The following DDX60L variants were observed in gnomAD, a reference collection of about 807,000 sequenced individuals.
DDX60L encodes DExD/H-box 60 like.
Under a neutral mutation model 211.6 loss-of-function variants are expected in DDX60L, and 191 were observed. The observed-to-expected ratio is 0.90, with a 90% CI of 0.80 to 1.02. The LOEUF (loss-of-function observed/expected upper bound fraction) is 1.02, where lower values mean the gene tolerates loss of function less well. Among genes scored for constraint, DDX60L ranks in the 50% least tolerant of loss-of-function variants. DDX60L has a pLI of 0.00. For missense variants in DDX60L, 2,007 were observed against 1,984.1 expected, an observed-to-expected ratio of 1.01 and a Z score of -0.22; for synonymous variants, 706 against 694.1, an observed-to-expected ratio of 1.02 and a Z score of -0.27.
At chr4:168,359,659 A>T (rs1006882502) in intron 37 of DDX60L, among the ~76,000 whole-genome samples, 6 of 152,216 alleles carry the variant, frequency 3.9e-5, no homozygotes, top group Non-Finnish European at 7.3e-5. Flanking sequence ...ACATAGATCT[A>T]TGTCGTACTC....
chr4:168,397,465 GATCT>G (rs1452670569), intron 26 of DDX60L, among the ~76,000 whole-genome samples: 1 of 152,188 alleles, frequency 6.6e-6, no homozygotes, highest in Non-Finnish European at 1.5e-5. Context: ...AAGGGTAATA[GATCT>G]ATCTGAGGCA....
In DDX60L at chr4:168,426,123, T is replaced by C. The variant is rs141749131; in HGVS notation, c.1930+947A>G. 5.6e-3 allele frequency among the ~76,000 whole-genome samples: 852 copies of C among 152,284 alleles called. 7 individuals are homozygous for C. The highest frequency in any genetic ancestry group is 0.019 in the African/African-American group (798 of 41,550). On this transcript the variant is annotated intron_variant, in intron 14 of 37. Transcript: ENST00000682922. ...CCGTTACCTAGGACTGCAGGTGCTA[T>C]TGGGCATCTATTCCCCCATAGCTAT...
chr4:168,467,796 G>A (rs1758210412), intron 4 of DDX60L, among the ~76,000 whole-genome samples: 1 of 152,174 alleles, frequency 6.6e-6, no homozygotes, highest in African/African-American at 2.4e-5. Flanking sequence ...TCAGAAAATA[G>A]AAGAGGAAAA....
intron 22 of DDX60L, among the ~76,000 whole-genome samples, chr4:168,407,694 A>G (rs899956269): frequency 5.3e-5 from 8 of 152,172 alleles, no homozygotes; most frequent in Admixed American, 1.3e-4. Flanking sequence ...ACTGGTTTCT[A>G]GAAGATTGGA....
At chr4:168,467,136 C>T (rs868419309) in intron 4 of DDX60L, among the ~76,000 whole-genome samples, 5 of 152,234 alleles carry the variant, frequency 3.3e-5, no homozygotes, top group African/African-American at 9.6e-5. Flanking sequence ...TGGCTAGGCA[C>T]AGTGGCTCAT....
At chr4:168,453,805 C>G (rs1447592529) in intron 7 of DDX60L, among the ~76,000 whole-genome samples, 1 of 152,146 alleles carries the variant, frequency 6.6e-6, no homozygotes, top group African/African-American at 2.4e-5. Flanking sequence ...ATCTGGGTAT[C>G]TTCATAGAGC....
At chr4:168,468,804 A>G (rs1357938091) in intron 4 of DDX60L, 1 of 152,244 alleles carries the variant, frequency 6.6e-6, no homozygotes, top group Non-Finnish European at 1.5e-5. Flanking sequence ...AACAAAAATC[A>G]ATTCTACTTC....
At chr4:168,449,826 GGTT>G (rs1755557834) in intron 8 of DDX60L, among the ~76,000 whole-genome samples, 1 of 141,220 alleles carries the variant, frequency 7.1e-6, no homozygotes, top group African/African-American at 2.7e-5. Flanking sequence ...AAAAAAAAGA[GGTT>G]ATAAAACCCA....
chr4:168,358,064 C>T lies in DDX60L; in HGVS notation c.*83G>A, dbSNP rs1315280920. ...TTGACTCCAAGACAAACATTTTTTC[C>T]ATTTCATTGTGTAAGCTTAATTATA... On this transcript the variant is annotated 3_prime_UTR_variant, in exon 38 of 38. Transcript: ENST00000682922. 8 of 1,263,818 alleles carry T rather than the reference C, an allele frequency of 6.3e-6. No individual in the cohort carries two copies. The highest frequency in any genetic ancestry group is 4.7e-5 in the Admixed American group (2 of 42,666). 78.3% of individuals were successfully genotyped at this position (1,263,818 alleles called of 1,614,324 possible). A position where few individuals can be genotyped will look rare whatever the true frequency, so the allele number is the denominator to read the frequency against.
At chr4:168,379,583 A>T in intron 31 of DDX60L, 79 bp from the exon 32 acceptor site, 1 of 1,214,576 alleles carries the variant, frequency 8.2e-7, no homozygotes, top group Non-Finnish European at 1.1e-6. Flanking sequence ...GTGACTGACA[A>T]ATATTACCTG....
chr4:168,388,785 T>C (rs1744310006), intron 29 of DDX60L, among the ~76,000 whole-genome samples: 1 of 152,032 alleles, frequency 6.6e-6, no homozygotes, highest in Non-Finnish European at 1.5e-5. Context: ...GCCACCAGTG[T>C]GGTGGTGAGC....
intron 29 of DDX60L, among the ~76,000 whole-genome samples, chr4:168,388,191 C>T (rs1431516396): frequency 6.6e-6 from 1 of 152,116 alleles, no homozygotes. Flanking sequence ...ATCACATTTC[C>T]CCAAAGCTGG....
rs1279933062 is a variant in DDX60L at position 168,426,993 on chromosome 4, C to G, written c.1930+77G>C. The G allele has an allele frequency of 8.5e-6, 12 of 1,411,932 alleles. No individual in the cohort carries two copies. The Admixed American group carries it at 2.8e-4, about 33-fold the overall frequency. The allele number at this position is 1,411,932 out of a possible 1,614,324, so 87.5% of individuals were successfully genotyped here. On this transcript the variant is annotated intron_variant, in intron 14 of 37. Transcript: ENST00000682922. Reference sequence around the variant, plus strand: ...GGATTATACAAAGTTTTAGCACAACCATGCATTCAGTAAATATGTTAACAT... The same window carrying G: ...GGATTATACAAAGTTTTAGCACAACGATGCATTCAGTAAATATGTTAACAT...
At chr4:168,466,190 AAAGAC>A (rs778728848) in intron 4 of DDX60L, among the ~76,000 whole-genome samples, 1 of 152,138 alleles carries the variant, frequency 6.6e-6, no homozygotes, top group Non-Finnish European at 1.5e-5. Context: ...AGAAACAAAT[AAAGAC>A]AAGAGTAGAA....
intron 8 of DDX60L, 52 bp from the exon 9 acceptor site, chr4:168,448,831 TA>T (rs1262587646): frequency 5.2e-6 from 8 of 1,533,100 alleles, no homozygotes; most frequent in Non-Finnish European, 3.6e-6. Context: ...AATAATTTCA[TA>T]CTCCTGGTTA....
intron 34 of DDX60L, among the ~76,000 whole-genome samples, 162 bp downstream of exon 34, chr4:168,375,215 C>A (rs1003035444): frequency 1.5e-4 from 23 of 152,190 alleles, no homozygotes; most frequent in Admixed American, 1.4e-3. Flanking sequence ...TCACACCCTA[C>A]AATGGGCTAA....
intron 28 of DDX60L, among the ~76,000 whole-genome samples, 175 bp from the exon 29 acceptor site, chr4:168,391,819 T>C (rs893649143): frequency 6.6e-6 from 1 of 152,188 alleles, no homozygotes; most frequent in Non-Finnish European, 1.5e-5. Context: ...TCAAAGAACA[T>C]TGCTACTTCA....
At chr4:168,463,275 T>A (rs1031816275) in intron 4 of DDX60L, among the ~76,000 whole-genome samples, 2 of 152,298 alleles carry the variant, frequency 1.3e-5, no homozygotes, top group Admixed American at 6.5e-5. Flanking sequence ...GTGGTACATA[T>A]ACATCATGGA....
In DDX60L at chr4:168,400,926, C is replaced by T. The variant is rs556451184; in HGVS notation, c.3391G>A (p.Glu1131Lys). Residue 1131 changes from glutamate to lysine, a missense_variant, in exon 26 of 38, where the codon GAG becomes AAG. Transcript: ENST00000682922. ...GGATGGCTTTTTGTCTCTGTCTTCT[C>T]CAGAAAAGTGCACACACTTCCAGCT... is the stretch of plus-strand genomic sequence containing the variant. ...KRAGSVCTFL[E>K]KTETKSHPHT... 1 of 1,613,774 alleles carries T rather than the reference C, an allele frequency of 6.2e-7. No individual in the cohort carries two copies.
Sources: gnomAD v4.1 joint callset for allele counts (sites outside exome capture counted in the v4.1 genomes callset) on GRCh38, gnomAD v4.1.1 for gene constraint, MANE v1.5 for transcripts, NCBI Gene and HGNC (gene_info 2026-07-23, HGNC 2026-07-21) for gene names.